Variants in FNDC3A observed in about 807,000 individuals in gnomAD.
The protein encoded by FNDC3A is fibronectin type-III domain-containing protein 3A.
In FNDC3A, 32 loss-of-function variants were observed where a neutral mutation model predicts 148.9. The observed-to-expected ratio is 0.21, with a 90% CI of 0.16 to 0.29. The LOEUF (loss-of-function observed/expected upper bound fraction) is 0.29. FNDC3A is among the 10% of genes least tolerant of loss of function. FNDC3A has a pLI of 1.00. For missense variants in FNDC3A, 1,191 were observed against 1,452.8 expected, an observed-to-expected ratio of 0.82 and a Z score of 2.93; for synonymous variants, 472 against 473.6, an observed-to-expected ratio of 1.00 and a Z score of 0.04.
At chr13:48,994,841 T>A (rs1013425219) in intron 1 of FNDC3A, among the ~76,000 whole-genome samples, 1 of 152,082 alleles carries the variant, frequency 6.6e-6, no homozygotes, top group African/African-American at 2.4e-5. Flanking sequence ...TTCATAATAC[T>A]GCAAGACAGG....
chr13:49,081,532 G>A (rs192824871), intron 3 of FNDC3A, among the ~76,000 whole-genome samples: 11 of 152,200 alleles, frequency 7.2e-5, no homozygotes, highest in East Asian at 5.8e-4. Context: ...GTGTGTGTCC[G>A]TGTGTATACA....
At chr13:49,040,902 T>A (rs1454428612) in intron 2 of FNDC3A, among the ~76,000 whole-genome samples, 1 of 152,238 alleles carries the variant, frequency 6.6e-6, no homozygotes, top group East Asian at 1.9e-4. Context: ...ACAGTTTTTT[T>A]GACATATTTT....
chr13:49,063,041 A>G (rs763723953), intron 2 of FNDC3A, among the ~76,000 whole-genome samples: 5 of 152,136 alleles, frequency 3.3e-5, no homozygotes, highest in Non-Finnish European at 5.9e-5. Context: ...TCAACTTTAT[A>G]TAGTGAATGA....
At chr13:49,064,741 AGTTCACTTGG>A (rs1877148770) in intron 2 of FNDC3A, among the ~76,000 whole-genome samples, 1 of 152,152 alleles carries the variant, frequency 6.6e-6, no homozygotes, top group East Asian at 1.9e-4. Context: ...TGAGGCGGAA[AGTTCACTTGG>A]GTTCATGTGT....
chr13:49,038,560 T>C (rs1474239172), intron 2 of FNDC3A, among the ~76,000 whole-genome samples: 1 of 152,182 alleles, frequency 6.6e-6, no homozygotes, highest in Non-Finnish European at 1.5e-5. Flanking sequence ...GCCTTCAAAA[T>C]TGTGAGAAAA....
intron 6 of FNDC3A, 103 bp downstream of exon 6, chr13:49,136,704 T>C (rs919297415): frequency 4.3e-6 from 5 of 1,174,680 alleles, no homozygotes; most frequent in Admixed American, 2.0e-5. Flanking sequence ...ATGGTCCAAA[T>C]AGACTGTTAC....
chr13:48,979,817 G>T (rs1484940777), intron 1 of FNDC3A, among the ~76,000 whole-genome samples: 1 of 151,858 alleles, frequency 6.6e-6, no homozygotes, highest in Admixed American at 6.6e-5. Context: ...GAATGTTCTT[G>T]TTTGTTTGTT....
intron 17 of FNDC3A, among the ~76,000 whole-genome samples, chr13:49,190,666 T>G (rs932307789): frequency 1.3e-5 from 2 of 152,198 alleles, no homozygotes; most frequent in African/African-American, 4.8e-5. Flanking sequence ...TATGGATCCT[T>G]TTGGAGAAGA....
intron 3 of FNDC3A, among the ~76,000 whole-genome samples, chr13:49,076,661 A>C (rs1878135908): frequency 6.6e-6 from 1 of 151,786 alleles, no homozygotes; most frequent in Admixed American, 6.6e-5. Context: ...CCAGCCTGGG[A>C]CATACAAGGC....
At chr13:49,089,324 G>A (rs1309707922) in intron 3 of FNDC3A, among the ~76,000 whole-genome samples, 1 of 152,348 alleles carries the variant, frequency 6.6e-6, no homozygotes, top group South Asian at 2.1e-4. Context: ...ATGGCCCCCA[G>A]TGTTGTTGCC....
chr13:49,168,675 T>TGA lies in FNDC3A; in HGVS notation c.1102_1103dup (p.Ser368ArgfsTer13). 1 of 1,612,032 alleles carries TGA rather than the reference T, an allele frequency of 6.2e-7. No individual in the cohort carries two copies. Among genetic ancestry groups the TGA allele is most frequent in the Non-Finnish European group, 8.5e-7 (1 of 1,178,212 alleles). ...TCAGAGGCTGAAATCTTTACCACCT[T>TGA]GAGCTGTGAACCTGATATACCTAAT... On this transcript the variant is annotated frameshift_variant, in exon 10 of 26. Coordinates refer to ENST00000492622, the MANE Select transcript of FNDC3A (RefSeq NM_001079673.2). LOFTEE classifies it high-confidence loss of function.
chr13:49,187,793 G>A, intron 16 of FNDC3A: 1 of 663,694 alleles, frequency 1.5e-6, no homozygotes. Context: ...TTAGGATTTT[G>A]CCTGTTATGA....
chr13:49,068,363 TA>T (rs1016593108), intron 2 of FNDC3A, among the ~76,000 whole-genome samples: 1 of 151,702 alleles, frequency 6.6e-6, no homozygotes, highest in Non-Finnish European at 1.5e-5. Flanking sequence ...GACCCGTCTA[TA>T]AAAAATAAAT....
intron 2 of FNDC3A, among the ~76,000 whole-genome samples, chr13:49,053,387 A>G (rs576043043): frequency 2.0e-5 from 3 of 152,326 alleles, no homozygotes; most frequent in African/African-American, 7.2e-5. Flanking sequence ...GGTCTCAAAC[A>G]GTTTAGAAAT....
intron 14 of FNDC3A, 117 bp from the exon 15 acceptor site, chr13:49,185,846 TA>T (rs201938953): frequency 2.9e-4 from 215 of 752,064 alleles, no homozygotes; most frequent in Non-Finnish European, 3.5e-4. Context: ...CATTCCAAGC[TA>T]AAAAAAATGT....
In FNDC3A at chr13:49,197,999, T is replaced by C. The variant is rs1593743874; in HGVS notation, c.2508T>C (p.Gly836=). The C allele has an allele frequency of 6.2e-7, 1 of 1,613,940 alleles. No homozygotes were observed. Among genetic ancestry groups the C allele is most frequent in the Non-Finnish European group, 8.5e-7 (1 of 1,179,870 alleles). ...ATTTGTAGGCTCTGAGTGTTGTGGG[T>C]GCAGGCCCTTTCAGTGAAGTAGTAG... ...YCRVQALSVV[G]AGPFSEVVAC... Residue 836 remains glycine (G), a synonymous_variant, in exon 22 of 26, where the codon GGT becomes GGC. Coordinates refer to ENST00000492622, the MANE Select transcript of FNDC3A (RefSeq NM_001079673.2).
Position 49,208,339 on chromosome 13 carries a change from T to TC in FNDC3A, c.*947dup, listed in dbSNP as rs1886748128. ...CTGGTATAGGCTAATTTTGAAGAAC[T>TC]CCCATAAGTTTCTGCTGCTTCTCCC... is the stretch of plus-strand genomic sequence containing the variant. On this transcript the variant is annotated 3_prime_UTR_variant, in exon 26 of 26. Transcript: ENST00000492622. The TC allele has an allele frequency of 6.6e-6, 1 of 152,632 alleles. No homozygotes were observed. The highest frequency in any genetic ancestry group is 2.4e-5 in the African/African-American group (1 of 41,456). 9.5% of individuals were successfully genotyped at this position (152,632 alleles called of 1,614,324 possible).
At chr13:49,013,502 G>A (rs1037527190) in intron 2 of FNDC3A, among the ~76,000 whole-genome samples, 3 of 151,338 alleles carry the variant, frequency 2.0e-5, no homozygotes, top group Admixed American at 1.3e-4. Context: ...ACATGTACAT[G>A]CGTATACATA....
intron 14 of FNDC3A, among the ~76,000 whole-genome samples, chr13:49,185,221 A>G (rs1251622890): frequency 6.6e-6 from 1 of 152,214 alleles, no homozygotes; most frequent in Non-Finnish European, 1.5e-5. Context: ...GATTGGAATT[A>G]TATTTCTCTA....
Sources: allele counts gnomAD v4.1 joint callset (sites outside exome capture counted in the v4.1 genomes callset), GRCh38; gene constraint gnomAD v4.1.1; transcripts MANE v1.5; gene names NCBI Gene and HGNC (gene_info 2026-07-23, HGNC 2026-07-21).